GULP1: variants seen among roughly 807,000 people sequenced by gnomAD.
GULP1 encodes the protein PTB domain-containing engulfment adapter protein 1.
A neutral mutation model predicts 40.9 loss-of-function variants in GULP1; 19 were observed. The observed-to-expected ratio is 0.46, with a 90% confidence interval of 0.32 to 0.68. The LOEUF (loss-of-function observed/expected upper bound fraction) is 0.68, where lower values mean the gene tolerates loss of function less well. Ranked by LOEUF, GULP1 falls within the 30% of genes least tolerant of loss-of-function variation. GULP1 has a pLI of 0.03. For missense variants in GULP1, 312 were observed against 362.2 expected (o/e 0.86, Z 1.12); for synonymous variants, 119 against 117.6 (o/e 1.01, Z -0.08).
chr2:188,547,959 A>G (rs1443553864), intron 7 of GULP1, among the ~76,000 whole-genome samples: 1 of 152,044 alleles, frequency 6.6e-6, no homozygotes, highest in Non-Finnish European at 1.5e-5. Context: ...ACTCTCAGAA[A>G]AATAGGAATG....
At chr2:188,452,649 T>G (rs1305372047) in intron 2 of GULP1, among the ~76,000 whole-genome samples, 2 of 152,200 alleles carry the variant, frequency 1.3e-5, no homozygotes, top group Admixed American at 1.3e-4. Flanking sequence ...CTGCCTCAAC[T>G]GCTGATACTG....
In GULP1 at chr2:188,545,784, T is replaced by C. The variant is rs1691782927; in HGVS notation, c.399+4466T>C. Among the ~76,000 whole-genome samples the C allele has an allele frequency of 1.3e-5, 2 of 151,890 alleles. 1 individual carries two copies. The highest frequency in any genetic ancestry group is 4.1e-4 in the South Asian group (2 of 4,834). ...AACTACACCAGTTAAAATATGTTGT[T>C]AAGGTGGATTACAAAACATAATCCA... On this transcript the variant is annotated intron_variant, in intron 7 of 11. Transcript: ENST00000409830.
chr2:188,439,887 A>G lies in GULP1; in HGVS notation c.-44-37772A>G, dbSNP rs142415218. The stretch of plus-strand genomic sequence containing the variant: ...GCAGGAAAAGCATTAATTAAATGAA[A>G]CTGCCTTACATCAAGTAGTACCAGA... On this transcript the variant is annotated intron_variant, in intron 2 of 11. Transcript: ENST00000409830. 3.9e-5 allele frequency among the ~76,000 whole-genome samples: 6 copies of G among 152,280 alleles called. No individual in the cohort carries two copies. In the East Asian group the frequency reaches 1.2e-3, roughly 29 times the overall value.
intron 6 of GULP1, among the ~76,000 whole-genome samples, chr2:188,540,763 T>C (rs1025585113): frequency 2.0e-5 from 3 of 152,152 alleles, no homozygotes; most frequent in African/African-American, 7.2e-5. Flanking sequence ...TAAACAGCAG[T>C]GAGATAAAAT....
intron 2 of GULP1, among the ~76,000 whole-genome samples, chr2:188,465,954 GGTGTGTGTGTGTGTATATGTGTGT>G (rs2060077090): frequency 6.7e-6 from 1 of 150,330 alleles, no homozygotes; most frequent in African/African-American, 2.5e-5. Context: ...CTCTTATGAA[GGTGTGTGTGTGTGTATATGTGTGT>G]GTGTGTGTGT....
chr2:188,564,827 A>G (rs1697252620), intron 7 of GULP1, among the ~76,000 whole-genome samples: 2 of 152,004 alleles, frequency 1.3e-5, no homozygotes, highest in Admixed American at 6.5e-5. Flanking sequence ...TTAAACTCTT[A>G]TCAAGTCAGG....
chr2:188,531,741 ATTAGCAG>A (rs552607043), intron 6 of GULP1, among the ~76,000 whole-genome samples: 107 of 152,360 alleles, frequency 7.0e-4, no homozygotes, highest in African/African-American at 2.4e-3. Context: ...TCATTAGGCA[ATTAGCAG>A]TTACATAAAG....
intron 1 of GULP1, among the ~76,000 whole-genome samples, chr2:188,315,564 A>G (rs1371478334): frequency 6.6e-6 from 1 of 152,080 alleles, no homozygotes; most frequent in Non-Finnish European, 1.5e-5. Context: ...TTAGCATACT[A>G]CTTGATGTTA....
chr2:188,341,498 T>C (rs1211045082), intron 1 of GULP1, among the ~76,000 whole-genome samples: 1 of 152,038 alleles, frequency 6.6e-6, no homozygotes, highest in African/African-American at 2.4e-5. Flanking sequence ...AGGATAACTG[T>C]TTCTTTGTTG....
At chr2:188,388,817 G>A (rs2050137276) in intron 2 of GULP1, among the ~76,000 whole-genome samples, 1 of 152,150 alleles carries the variant, frequency 6.6e-6, no homozygotes, top group Non-Finnish European at 1.5e-5. Context: ...AATACACCAT[G>A]AAAGCACAAG....
At chr2:188,351,183 A>T (rs1183367606) in intron 1 of GULP1, among the ~76,000 whole-genome samples, 1 of 151,956 alleles carries the variant, frequency 6.6e-6, no homozygotes, top group African/African-American at 2.4e-5. Flanking sequence ...AATTAGAAGT[A>T]TTTTTTTTAT....
intron 1 of GULP1, among the ~76,000 whole-genome samples, chr2:188,323,689 T>A (rs1363937147): frequency 9.4e-6 from 1 of 106,454 alleles, no homozygotes; most frequent in Non-Finnish European, 2.1e-5. Context: ...TGTGTGTGTG[T>A]ATGTGTGTAC....
intron 2 of GULP1, among the ~76,000 whole-genome samples, chr2:188,447,500 A>T (rs1048578071): frequency 6.6e-6 from 1 of 152,076 alleles, no homozygotes. Context: ...CTGAGATGGG[A>T]GTCAGCCTGG....
intron 1 of GULP1, among the ~76,000 whole-genome samples, chr2:188,333,100 C>T (rs1574481541): frequency 6.6e-6 from 1 of 151,828 alleles, no homozygotes; most frequent in Non-Finnish European, 1.5e-5. Context: ...AAAACATTAG[C>T]GGGGCATGGT....
intron 9 of GULP1, among the ~76,000 whole-genome samples, chr2:188,583,213 G>GCTGTCATGAAAAATAATTGT (rs1208899795): frequency 6.6e-6 from 1 of 152,106 alleles, no homozygotes. Context: ...CAATTTTCCT[G>GCTGTCATGAAAAATAATTGT]CATGAAAAAT....
intron 7 of GULP1, among the ~76,000 whole-genome samples, chr2:188,551,905 T>G (rs1559370570): frequency 1.3e-5 from 2 of 151,846 alleles, no homozygotes; most frequent in African/African-American, 2.4e-5. Context: ...GGTTTTGGTT[T>G]GCATTCTGTG....
intron 4 of GULP1, among the ~76,000 whole-genome samples, chr2:188,521,470 G>T (rs1162272050): frequency 6.6e-6 from 1 of 152,162 alleles, no homozygotes; most frequent in Non-Finnish European, 1.5e-5. Flanking sequence ...TTGACTCACA[G>T]TTCCACGGGG....
At chr2:188,376,916 G>C (rs138338872) in intron 1 of GULP1, among the ~76,000 whole-genome samples, 8,146 of 152,252 alleles carry the variant, frequency 0.054, 732 homozygotes, top group African/African-American at 0.18. Flanking sequence ...GCTCATGCCT[G>C]TAATCCCAGC....
At chr2:188,341,479 T>C (rs1332878033) in intron 1 of GULP1, among the ~76,000 whole-genome samples, 1 of 152,140 alleles carries the variant, frequency 6.6e-6, no homozygotes, top group Non-Finnish European at 1.5e-5. Context: ...GGGACAGTTA[T>C]CATCATAAAG....
Sources: allele counts gnomAD v4.1 joint callset (sites outside exome capture counted in the v4.1 genomes callset), GRCh38; gene constraint gnomAD v4.1.1; transcripts MANE v1.5; gene names NCBI Gene and HGNC (gene_info 2026-07-23, HGNC 2026-07-21).